RXFP1: variants seen among roughly 807,000 people sequenced by gnomAD.
RXFP1 encodes the protein relaxin family peptide receptor 1.
RXFP1 carries 73 observed loss-of-function variants against 89.8 expected under a neutral mutation model. The ratio of observed to expected loss-of-function variants is 0.81; its 90% CI spans 0.67 to 0.99. The LOEUF (loss-of-function observed/expected upper bound fraction) is 0.99, where lower values mean the gene tolerates loss of function less well. RXFP1 is among the 50% of genes least tolerant of loss of function. The pLI, the probability that RXFP1 is intolerant of heterozygous loss-of-function variation, is 0.00. For synonymous variants in RXFP1, 277 were observed against 305.5 expected (o/e 0.91, Z 0.97); for missense variants, 793 against 895.5 (o/e 0.89, Z 1.46).
At chr4:158,634,206 A>G (rs568368696) in intron 12 of RXFP1, among the ~76,000 whole-genome samples, 1 of 152,226 alleles carries the variant, frequency 6.6e-6, no homozygotes, top group South Asian at 2.1e-4. Context: ...TTTTTTGATA[A>G]TAGGCATGCT....
intron 1 of RXFP1, among the ~76,000 whole-genome samples, chr4:158,526,222 A>C (rs1026480053): frequency 1.7e-4 from 26 of 152,228 alleles, no homozygotes; most frequent in African/African-American, 6.0e-4. Context: ...ATATGTAAAT[A>C]ATTTGAATAT....
intron 1 of RXFP1, among the ~76,000 whole-genome samples, chr4:158,560,584 G>A (rs556571314): frequency 8.5e-5 from 13 of 152,290 alleles, no homozygotes; most frequent in African/African-American, 3.1e-4. Context: ...AAACAAAGAA[G>A]CGTTTATTTT....
At chr4:158,598,044 T>C (rs1760969292) in intron 3 of RXFP1, among the ~76,000 whole-genome samples, 1 of 152,144 alleles carries the variant, frequency 6.6e-6, no homozygotes, top group Admixed American at 6.5e-5. Flanking sequence ...GAAGAACACA[T>C]GTCACCCCAT....
At chr4:158,599,205 A>G in intron 3 of RXFP1, 121 bp from the exon 4 acceptor site, 2 of 1,500,154 alleles carry the variant, frequency 1.3e-6, no homozygotes, top group Non-Finnish European at 1.8e-6. Flanking sequence ...TTGCCTACGT[A>G]GCACATGATA....
chr4:158,601,846 CATAG>C (rs1761744965), intron 4 of RXFP1, among the ~76,000 whole-genome samples: 3 of 152,238 alleles, frequency 2.0e-5, no homozygotes, highest in African/African-American at 4.8e-5. Flanking sequence ...AACAGGCAAA[CATAG>C]ATAGATATGA....
chr4:158,576,378 T>C (rs1756204025), intron 2 of RXFP1, among the ~76,000 whole-genome samples: 1 of 151,924 alleles, frequency 6.6e-6, no homozygotes. Context: ...CTAGGCAACA[T>C]GGCAAAAACC....
At chr4:158,538,568 C>G (rs1039189711) in intron 1 of RXFP1, among the ~76,000 whole-genome samples, 5 of 152,070 alleles carry the variant, frequency 3.3e-5, no homozygotes, top group Admixed American at 1.3e-4. Context: ...AATCCCAACA[C>G]TTTAGGAAGC....
At chr4:158,602,359 C>T (rs764702539) in intron 4 of RXFP1, among the ~76,000 whole-genome samples, 1 of 152,140 alleles carries the variant, frequency 6.6e-6, no homozygotes, top group Non-Finnish European at 1.5e-5. Context: ...GTGCAGTTAA[C>T]CTCTTCCTCT....
intron 3 of RXFP1, among the ~76,000 whole-genome samples, chr4:158,594,117 C>T (rs1442608385): frequency 1.3e-5 from 2 of 152,188 alleles, no homozygotes; most frequent in African/African-American, 2.4e-5. Flanking sequence ...TTGGAGCTGT[C>T]ATTTTGACCC....
chr4:158,607,144 A>G, intron 5 of RXFP1: 2 of 1,530,198 alleles, frequency 1.3e-6, no homozygotes, highest in Non-Finnish European at 1.8e-6. Context: ...AAGTACACAT[A>G]GAAGTGCAAA....
intron 1 of RXFP1, chr4:158,544,276 G>A (rs1055626530): frequency 1.3e-4 from 127 of 985,080 alleles, no homozygotes; most frequent in Non-Finnish European, 1.5e-4. Context: ...TTCTGACCTT[G>A]TGGGACAATA....
At chr4:158,608,092 C>G in intron 6 of RXFP1, 49 bp downstream of exon 6, 1 of 1,243,980 alleles carries the variant, frequency 8.0e-7, no homozygotes. Flanking sequence ...AGTCTGACAG[C>G]CTAGACTATT....
chr4:158,549,802 C>G (rs1480583015), intron 1 of RXFP1, among the ~76,000 whole-genome samples: 2 of 152,216 alleles, frequency 1.3e-5, no homozygotes, highest in African/African-American at 4.8e-5. Flanking sequence ...CCTGATTGTT[C>G]CTCTGGAAGT....
intron 1 of RXFP1, 79 bp downstream of exon 1, chr4:158,522,104 AT>A: frequency 1.3e-6 from 1 of 797,254 alleles, no homozygotes. Context: ...TACTCCTTAT[AT>A]TTATGCTTTT....
intron 11 of RXFP1, among the ~76,000 whole-genome samples, chr4:158,629,004 A>G (rs1767497405): frequency 6.8e-6 from 1 of 145,998 alleles, no homozygotes; most frequent in Non-Finnish European, 1.5e-5. Flanking sequence ...TTCTACTCCT[A>G]AAGAAGGACG....
intron 1 of RXFP1, among the ~76,000 whole-genome samples, chr4:158,535,209 G>C (rs7695656): frequency 0.73 from 111,159 of 151,874 alleles, 44,098 homozygotes; most frequent in East Asian, 0.98. Context: ...ATGATGAGAA[G>C]TCTGGGGTAG....
chr4:158,611,497 T>C lies in RXFP1; in HGVS notation c.537-633T>C, dbSNP rs553948383. ...CCTGTCTCTCCTTATAGCCCCTTCA[T>C]GGTGAGGCCCCATTGAATTACCTGG... On this transcript the variant is annotated intron_variant, in intron 6 of 17. Coordinates refer to ENST00000307765, the MANE Select transcript of RXFP1 (RefSeq NM_021634.4). Among the ~76,000 whole-genome samples the C allele has an allele frequency of 9.8e-5, 15 of 152,318 alleles. No individual in the cohort carries two copies. The South Asian group carries it at 2.1e-3, about 21-fold the overall frequency.
intron 2 of RXFP1, among the ~76,000 whole-genome samples, chr4:158,585,135 C>T (rs1341954629): frequency 6.6e-6 from 1 of 152,188 alleles, no homozygotes; most frequent in Non-Finnish European, 1.5e-5. Context: ...TCTTCTTGTG[C>T]AAATGCAAAA....
chr4:158,600,776 A>G (rs1482560547), intron 4 of RXFP1, among the ~76,000 whole-genome samples: 2 of 151,872 alleles, frequency 1.3e-5, no homozygotes, highest in South Asian at 2.1e-4. Flanking sequence ...GCAGTGAGCT[A>G]TGATCAAGCC....
Sources: gnomAD v4.1 joint callset for allele counts (sites outside exome capture counted in the v4.1 genomes callset) on GRCh38, gnomAD v4.1.1 for gene constraint, MANE v1.5 for transcripts, NCBI Gene and HGNC (gene_info 2026-07-23, HGNC 2026-07-21) for gene names.